Variants in XRCC6 observed in about 807,000 individuals in gnomAD.
XRCC6 encodes DNA repair protein Ku70.
XRCC6 carries 5 observed loss-of-function variants against 65.7 expected under a neutral mutation model. That is an observed-to-expected ratio of 0.08 (90% confidence interval 0.04 to 0.16). The LOEUF (loss-of-function observed/expected upper bound fraction) is 0.16, where lower values mean the gene tolerates loss of function less well. Ranked by LOEUF, XRCC6 falls within the 10% of genes least tolerant of loss-of-function variation. The probability of loss-of-function intolerance (pLI) is 1.00; values close to 1 mark genes in which losing one functional copy is unlikely to be tolerated. For synonymous variants in XRCC6, 270 were observed against 270.6 expected, an observed-to-expected ratio of 1.00 and a Z score of 0.02; for missense variants, 447 against 738.1, an observed-to-expected ratio of 0.61 and a Z score of 4.57.
In XRCC6 at chr22:41,658,291, C is replaced by T; in HGVS notation, c.1461C>T (p.Phe487=). The T allele has an allele frequency of 6.2e-7, 1 of 1,613,948 alleles. No homozygotes were observed. Among genetic ancestry groups the T allele is most frequent in the East Asian group, 2.2e-5 (1 of 44,870 alleles). Reference sequence around the variant, plus strand: ...AGAACCCCGTGCTGCAGCAGCACTTCAGGAACCTGGAGGCCTTGGCCTTGG... The same window carrying T: ...AGAACCCCGTGCTGCAGCAGCACTTTAGGAACCTGGAGGCCTTGGCCTTGG... The part of the protein sequence containing the change: ...SFENPVLQQH[F]RNLEALALDL... The change falls in exon 11 of 13, where the codon TTC becomes TTT. Residue 487 remains phenylalanine, a synonymous_variant. Coordinates refer to ENST00000360079, the MANE Select transcript of XRCC6 (RefSeq NM_001469.5).
At chr22:41,632,723 C>T (rs1386930098) in intron 3 of XRCC6, among the ~76,000 whole-genome samples, 8 of 149,310 alleles carry the variant, frequency 5.4e-5, no homozygotes, top group Non-Finnish European at 8.9e-5. Flanking sequence ...CTCAGGAGGC[C>T]GGGGTGAGAG....
chr22:41,623,259 TAG>T (rs2067630958), intron 2 of XRCC6, among the ~76,000 whole-genome samples: 1 of 152,146 alleles, frequency 6.6e-6, no homozygotes, highest in Non-Finnish European at 1.5e-5. Flanking sequence ...TAATTTTTTG[TAG>T]AGACAGGATC....
At chr22:41,638,776 CAAAAAAAAAAA>C (rs56677816) in intron 6 of XRCC6, among the ~76,000 whole-genome samples, 7 of 65,702 alleles carry the variant, frequency 1.1e-4, no homozygotes, top group African/African-American at 2.3e-4. Flanking sequence ...GACTCCGCCT[CAAAAAAAAAAA>C]AAAAAAAAAA....
At chr22:41,625,660 A>T (rs1436672217) in intron 2 of XRCC6, among the ~76,000 whole-genome samples, 1 of 152,270 alleles carries the variant, frequency 6.6e-6, no homozygotes, top group East Asian at 1.9e-4. Context: ...CTGTTAATCT[A>T]CACCAAAAGA....
chr22:41,645,509 C>T (rs980370632), intron 6 of XRCC6, among the ~76,000 whole-genome samples: 11 of 152,074 alleles, frequency 7.2e-5, no homozygotes, highest in African/African-American at 1.9e-4. Context: ...CAGATGAGAA[C>T]GTCCTATGGC....
At chr22:41,663,065 AGT>A (rs1460455927) in intron 12 of XRCC6, among the ~76,000 whole-genome samples, 1 of 151,922 alleles carries the variant, frequency 6.6e-6, no homozygotes, top group East Asian at 1.9e-4. Context: ...TCGGTGATAG[AGT>A]GAGACTCCAT....
intron 2 of XRCC6, among the ~76,000 whole-genome samples, chr22:41,627,039 G>T (rs765450073): frequency 2.0e-5 from 3 of 152,150 alleles, no homozygotes; most frequent in African/African-American, 2.4e-5. Flanking sequence ...GTCTCCCAAA[G>T]TGTTGGGATT....
chr22:41,644,527 C>A (rs910685795), intron 6 of XRCC6, among the ~76,000 whole-genome samples: 3 of 151,872 alleles, frequency 2.0e-5, no homozygotes, highest in Non-Finnish European at 2.9e-5. Context: ...GTCTGTCGTC[C>A]CAGGCTGGAG....
At chr22:41,660,597 C>T (rs553717040) in intron 11 of XRCC6, among the ~76,000 whole-genome samples, 3 of 152,282 alleles carry the variant, frequency 2.0e-5, no homozygotes, top group Admixed American at 6.5e-5. Flanking sequence ...CCATCTTTCT[C>T]ACCTCTCTGC....
At chr22:41,621,960 C>T (rs773477333) in intron 1 of XRCC6, 30 bp from the exon 2 acceptor site, 10 of 1,606,674 alleles carry the variant, frequency 6.2e-6, no homozygotes, top group East Asian at 4.5e-5. Flanking sequence ...TTAAATTTGC[C>T]TGTTACTGAC....
At chr22:41,638,538 C>T (rs1043166762) in intron 6 of XRCC6, among the ~76,000 whole-genome samples, 2 of 152,052 alleles carry the variant, frequency 1.3e-5, no homozygotes, top group Admixed American at 6.6e-5. Context: ...GTAATCCCAC[C>T]ACTTTGGGAT....
chr22:41,628,775 C>T (rs2067706453), intron 3 of XRCC6, among the ~76,000 whole-genome samples: 1 of 151,798 alleles, frequency 6.6e-6, no homozygotes, highest in Non-Finnish European at 1.5e-5. Context: ...CCAGCTTGGC[C>T]AACATGGTGA....
At position 41,628,240 on chromosome 22, in the gene XRCC6, C is replaced by T. The variant is rs1363734959; in HGVS notation, c.195+10C>T. 14 of 1,601,384 alleles carry T rather than the reference C, an allele frequency of 8.7e-6. No homozygotes were observed. Among genetic ancestry groups the T allele is most frequent in the Middle Eastern group, 1.7e-4 (1 of 6,004 alleles). On this transcript the variant is annotated intron_variant, in intron 3 of 12. Transcript: ENST00000360079. ...TGACATGAGCATCCAGGTAAGACTA[C>T]CTTTTAATTTAAGACAAATTTAAAA...
intron 6 of XRCC6, among the ~76,000 whole-genome samples, chr22:41,645,557 A>G (rs1216539266): frequency 1.3e-5 from 2 of 152,150 alleles, no homozygotes; most frequent in Admixed American, 1.3e-4. Flanking sequence ...CTTGGCCAGA[A>G]GAAGGCACAG....
At chr22:41,631,470 C>T (rs941583039) in intron 3 of XRCC6, among the ~76,000 whole-genome samples, 5 of 149,912 alleles carry the variant, frequency 3.3e-5, no homozygotes, top group East Asian at 2.0e-4. Flanking sequence ...TGGGCAGAGA[C>T]GCTCCTCACC....
chr22:41,629,030 A>G (rs2067711286), intron 3 of XRCC6, among the ~76,000 whole-genome samples: 1 of 151,984 alleles, frequency 6.6e-6, no homozygotes, highest in South Asian at 2.1e-4. Context: ...AAGCACAGGA[A>G]AAGATACTCA....
intron 7 of XRCC6, among the ~76,000 whole-genome samples, chr22:41,647,568 C>T (rs1004263886): frequency 1.6e-5 from 2 of 126,824 alleles, no homozygotes; most frequent in African/African-American, 6.1e-5. Context: ...GCAACAAAAG[C>T]GTAACTCCGT....
At chr22:41,647,123 G>C in intron 7 of XRCC6, 41 bp downstream of exon 7, 1 of 1,601,556 alleles carries the variant, frequency 6.2e-7, no homozygotes, top group Non-Finnish European at 8.5e-7. Flanking sequence ...TTTTGAGACA[G>C]GGTCTCATTG....
intron 11 of XRCC6, among the ~76,000 whole-genome samples, chr22:41,660,627 A>T (rs1011107012): frequency 6.6e-5 from 10 of 151,376 alleles, no homozygotes; most frequent in African/African-American, 2.4e-4. Flanking sequence ...CCTCCTTAAC[A>T]CCCTACCTTC....
Sources: allele counts gnomAD v4.1 joint callset (sites outside exome capture counted in the v4.1 genomes callset), GRCh38; gene constraint gnomAD v4.1.1; transcripts MANE v1.5; gene names NCBI Gene and HGNC (gene_info 2026-07-23, HGNC 2026-07-21).